Variants in NLN observed in about 807,000 individuals in gnomAD.
The protein encoded by NLN is neurolysin, mitochondrial.
NLN carries 64 observed loss-of-function variants against 79.9 expected under a neutral mutation model. The observed-to-expected ratio is 0.80, with a 90% confidence interval of 0.65 to 0.99. The LOEUF (loss-of-function observed/expected upper bound fraction) is 0.99. Ranked by LOEUF, NLN falls within the 50% of genes least tolerant of loss-of-function variation. NLN has a pLI of 0.00. For missense variants in NLN, 835 were observed against 858.7 expected (o/e 0.97, Z 0.34); for synonymous variants, 267 against 296.6 (o/e 0.90, Z 1.02).
chr5:65,809,979 A>G, intron 10 of NLN, 58 bp from the exon 11 acceptor site: 1 of 1,581,074 alleles, frequency 6.3e-7, no homozygotes, highest in Non-Finnish European at 8.6e-7. Context: ...ATCTTGTGAT[A>G]ATAAAACACA....
At chr5:65,726,299 AT>A (rs1671973661) in intron 1 of NLN, among the ~76,000 whole-genome samples, 1 of 152,166 alleles carries the variant, frequency 6.6e-6, no homozygotes, top group South Asian at 2.1e-4. Context: ...TTTAATAAAA[AT>A]TCATACTTTT....
chr5:65,788,605 G>A (rs536039705), intron 8 of NLN, 121 bp downstream of exon 8: 28 of 995,770 alleles, frequency 2.8e-5, no homozygotes, highest in Non-Finnish European at 4.1e-5. Flanking sequence ...GGAGGCCAAG[G>A]TGGGAGGATT....
At chr5:65,817,144 T>C (rs1471772707) in intron 12 of NLN, among the ~76,000 whole-genome samples, 2 of 152,214 alleles carry the variant, frequency 1.3e-5, no homozygotes, top group East Asian at 3.8e-4. Context: ...TCTATCAAAG[T>C]ATAATAACTG....
At position 65,822,644 on chromosome 5, in the gene NLN, T is replaced by A. The variant is rs1579977734; in HGVS notation, c.1981-137T>A. On this transcript the variant is annotated intron_variant, in intron 12 of 12. Transcript: ENST00000380985. Reference sequence around the variant, plus strand: ...TAAATAAATACTACAGAGCTGTTTGTGAGCAAGAGAAAACATCTAGACAGA... The same window carrying A: ...TAAATAAATACTACAGAGCTGTTTGAGAGCAAGAGAAAACATCTAGACAGA... The A allele has an allele frequency of 4.3e-5, 29 of 666,788 alleles. No individual in the cohort carries two copies. In the East Asian group the frequency reaches 7.7e-4, roughly 18 times the overall value. 41.3% of individuals were successfully genotyped at this position (666,788 alleles called of 1,614,324 possible). A position where few individuals can be genotyped will look rare whatever the true frequency, so the allele number is the denominator to read the frequency against.
intron 11 of NLN, among the ~76,000 whole-genome samples, chr5:65,810,893 A>G (rs1170377485): frequency 6.6e-6 from 1 of 152,046 alleles, no homozygotes; most frequent in Non-Finnish European, 1.5e-5. Context: ...TGAGAGGATC[A>G]CCTGAGCCTG....
intron 12 of NLN, among the ~76,000 whole-genome samples, chr5:65,816,970 C>T (rs1760684805): frequency 6.6e-6 from 1 of 152,126 alleles, no homozygotes; most frequent in Non-Finnish European, 1.5e-5. Context: ...ATTGGTTATG[C>T]AATAGAGAAG....
chr5:65,794,847 A>G (rs1035610545), intron 9 of NLN, among the ~76,000 whole-genome samples: 37 of 152,116 alleles, frequency 2.4e-4, no homozygotes, highest in Non-Finnish European at 1.6e-4. Flanking sequence ...TCATTTCCAA[A>G]ATAATTCTGT....
chr5:65,726,084 C>T (rs796524176), intron 1 of NLN, among the ~76,000 whole-genome samples: 4 of 149,826 alleles, frequency 2.7e-5, no homozygotes, highest in African/African-American at 9.9e-5. Flanking sequence ...TGCACTCCAG[C>T]CTGGGCGACA....
At chr5:65,727,011 G>A (rs888575349) in intron 1 of NLN, among the ~76,000 whole-genome samples, 3 of 141,148 alleles carry the variant, frequency 2.1e-5, no homozygotes, top group Admixed American at 6.9e-5. Context: ...CCCAAGGCCA[G>A]CTTCCAGCTA....
rs145287103 is a variant in NLN, at chr5:65,821,259, T to C, written c.1981-1522T>C. On this transcript the variant is annotated intron_variant, in intron 12 of 12. Coordinates refer to ENST00000380985, the MANE Select transcript of NLN (RefSeq NM_020726.5). ...GGCAACAAGACTGCTGTGTACCTTT[T>C]TAATATCATACTAGAACACTGTGTA... is the stretch of plus-strand genomic sequence containing the variant. Among the ~76,000 whole-genome samples the C allele has an allele frequency of 5.4e-3, 823 of 152,248 alleles. 18 individuals are homozygous for C. Among genetic ancestry groups the C allele is most frequent in the Admixed American group, 0.045 (695 of 15,292 alleles).
intron 3 of NLN, among the ~76,000 whole-genome samples, chr5:65,776,103 A>G (rs1379762689): frequency 6.6e-6 from 1 of 152,090 alleles, no homozygotes; most frequent in Non-Finnish European, 1.5e-5. Flanking sequence ...AAATGCAAAA[A>G]TTAGCTGGAC....
intron 11 of NLN, among the ~76,000 whole-genome samples, chr5:65,810,699 G>A (rs917380655): frequency 4.6e-5 from 7 of 152,096 alleles, no homozygotes; most frequent in Non-Finnish European, 8.8e-5. Flanking sequence ...GCATTTTCAG[G>A]CCTGGCATGG....
chr5:65,787,825 G>T (rs1759964189), intron 7 of NLN, among the ~76,000 whole-genome samples: 1 of 152,180 alleles, frequency 6.6e-6, no homozygotes, highest in African/African-American at 2.4e-5. Context: ...CGTTCTCTGA[G>T]ATAAACTTGA....
At chr5:65,759,214 A>G (rs1162299498) in intron 2 of NLN, among the ~76,000 whole-genome samples, 1 of 152,200 alleles carries the variant, frequency 6.6e-6, no homozygotes, top group East Asian at 1.9e-4. Context: ...CAACTAATAG[A>G]TTAGATAAAT....
chr5:65,817,025 A>G lies in NLN; in HGVS notation c.1980+4634A>G, dbSNP rs143322111. 1.4e-4 allele frequency among the ~76,000 whole-genome samples: 21 copies of G among 152,254 alleles called. No homozygotes were observed. The East Asian group carries it at 3.9e-3, about 28-fold the overall frequency. ...TCTCTCTGTAACCTCCTGCCATCCT[A>G]CAAACCCCAGGGTCTGCTCTGGGGA... On this transcript the variant is annotated intron_variant, in intron 12 of 12. Transcript: ENST00000380985.
chr5:65,731,742 C>CTTTTTT lies in NLN; in HGVS notation c.41+9349_41+9354dup, dbSNP rs761722243. Among the ~76,000 whole-genome samples the CTTTTTT allele has an allele frequency of 2.1e-4, 13 of 62,016 alleles. 1 individual carries two copies. The highest frequency in any genetic ancestry group is 2.6e-4 in the Non-Finnish European group (8 of 31,096). The allele number at this position is 62,016 out of a possible 152,430, so 40.7% of individuals were successfully genotyped here. On this transcript the variant is annotated intron_variant, in intron 1 of 12. Coordinates refer to ENST00000380985, the MANE Select transcript of NLN (RefSeq NM_020726.5). ...GTATTTTAAAAATCACCTACATTTT[C>CTTTTTT]TTTTTTTTTTTTTTTTTTTTTTTTT...
At chr5:65,803,833 G>A (rs1368050505) in intron 9 of NLN, among the ~76,000 whole-genome samples, 1 of 152,184 alleles carries the variant, frequency 6.6e-6, no homozygotes, top group African/African-American at 2.4e-5. Flanking sequence ...GCCTGTTCCT[G>A]GCTCCTGCCA....
chr5:65,772,711 TTTTGTTTG>T (rs908536560), intron 3 of NLN, among the ~76,000 whole-genome samples: 2 of 151,954 alleles, frequency 1.3e-5, no homozygotes, highest in African/African-American at 4.8e-5. Flanking sequence ...TTGTTTTGTT[TTTTGTTTG>T]TTTGTTTGTT....
chr5:65,800,459 A>C (rs1371414817), intron 9 of NLN, among the ~76,000 whole-genome samples: 1 of 152,094 alleles, frequency 6.6e-6, no homozygotes, highest in Non-Finnish European at 1.5e-5. Context: ...GCAGATCACG[A>C]GGTCAGGAGA....
Sources: allele counts gnomAD v4.1 joint callset (sites outside exome capture counted in the v4.1 genomes callset), GRCh38; gene constraint gnomAD v4.1.1; transcripts MANE v1.5; gene names NCBI Gene and HGNC (gene_info 2026-07-23, HGNC 2026-07-21).